The following ZMYM4 variants were observed in gnomAD, a reference collection of about 807,000 sequenced individuals.
ZMYM4 encodes the protein zinc finger MYM-type containing 4, also known as zinc finger MYM-type protein 4.
In ZMYM4, 31 loss-of-function variants were observed where a neutral mutation model predicts 183.2. The observed-to-expected ratio is 0.17, with a 90% CI of 0.13 to 0.23. The LOEUF (loss-of-function observed/expected upper bound fraction) is 0.23. Ranked by LOEUF, ZMYM4 falls within the 10% of genes least tolerant of loss-of-function variation. The probability of loss-of-function intolerance (pLI) is 1.00; values close to 1 mark genes in which losing one functional copy is unlikely to be tolerated. For missense variants in ZMYM4, 1,273 were observed against 1,840.3 expected, an observed-to-expected ratio of 0.69 and a Z score of 5.64; for synonymous variants, 592 against 631.2, an observed-to-expected ratio of 0.94 and a Z score of 0.93.
rs772931880 is a variant in ZMYM4 at position 35,386,145 on chromosome 1, A to C, written c.1792A>C (p.Ser598Arg). The change falls in exon 11 of 30, where the codon AGT becomes CGT. Residue 598 changes from serine (S) to arginine (R), a missense_variant. By Grantham distance (110) the Ser-to-Arg change is moderately radical (BLOSUM62 -1). Coordinates refer to ENST00000314607, the MANE Select transcript of ZMYM4 (RefSeq NM_005095.3). ...PQYHLAMSDG[S>R]IRNFCSYSCV... Reference sequence around the variant, plus strand: ...GTATCACCTAGCCATGTCAGATGGAAGTATACGCAACTTCTGCAGCTACAG... The same window carrying C: ...GTATCACCTAGCCATGTCAGATGGACGTATACGCAACTTCTGCAGCTACAG... 6.2e-7 allele frequency: 1 copy of C among 1,614,026 alleles called. No homozygotes were observed. Among genetic ancestry groups the C allele is most frequent in the Non-Finnish European group, 8.5e-7 (1 of 1,179,940 alleles).
chr1:35,350,951 A>AT (rs1643583482), intron 2 of ZMYM4: 1 of 680,976 alleles, frequency 1.5e-6, no homozygotes, highest in Non-Finnish European at 2.6e-6. Flanking sequence ...TCTGTGCGGC[A>AT]TATGCATATG....
rs530354157 is a variant in ZMYM4 at position 35,337,194 on chromosome 1, G to A, written c.85+11789G>A. 9.2e-5 allele frequency among the ~76,000 whole-genome samples: 14 copies of A among 151,648 alleles called. No homozygotes were observed. In the South Asian group the frequency reaches 1.0e-3, roughly 11 times the overall value. On this transcript the variant is annotated intron_variant, in intron 2 of 29. Transcript: ENST00000314607. ...GCCAACATGGTGAAACCCCATCTCC[G>A]CTAAAAAAAAATACGAAATTAGCTG...
Position 35,304,135 on chromosome 1 carries a change from C to T in ZMYM4, c.40-21225C>T, listed in dbSNP as rs1030563852. Among the ~76,000 whole-genome samples, 3 of 152,116 alleles carry T rather than the reference C, an allele frequency of 2.0e-5. No individual in the cohort carries two copies. The South Asian group carries it at 6.2e-4, about 32-fold the overall frequency. On this transcript the variant is annotated intron_variant, in intron 1 of 29. Coordinates refer to ENST00000314607, the MANE Select transcript of ZMYM4 (RefSeq NM_005095.3). ...CGCCTCCCACATTCATGCGATTCTC[C>T]TGCCTCAGCTTCCTGAGTAGCTGGG...
At chr1:35,366,553 T>G (rs2148924696) in intron 5 of ZMYM4, among the ~76,000 whole-genome samples, 1 of 152,280 alleles carries the variant, frequency 6.6e-6, no homozygotes, top group African/African-American at 2.4e-5. Context: ...CCTAGTTGAA[T>G]TATACCAATA....
Position 35,302,200 on chromosome 1 carries a change from C to CTTTTTTTTTTTTTTTTTTTTTTT in ZMYM4, c.40-23157_40-23135dup, listed in dbSNP as rs576277396. On this transcript the variant is annotated intron_variant, in intron 1 of 29. Transcript: ENST00000314607. ...ATCCACAAGCTAAAAACGGCTCTTG[C>CTTTTTTTTTTTTTTTTTTTTTTT]TTTTTTTTTTTTTTTTTTTTTTTTT... Among the ~76,000 whole-genome samples, 24 of 58,550 alleles carry CTTTTTTTTTTTTTTTTTTTTTTT rather than the reference C, an allele frequency of 4.1e-4. 1 individual carries two copies. The highest frequency in any genetic ancestry group is 1.5e-3 in the African/African-American group (23 of 15,524). 38.4% of individuals were successfully genotyped at this position (58,550 alleles called of 152,430 possible).
intron 2 of ZMYM4, among the ~76,000 whole-genome samples, chr1:35,333,412 C>T (rs1054755778): frequency 6.6e-6 from 1 of 152,058 alleles, no homozygotes; most frequent in Non-Finnish European, 1.5e-5. Flanking sequence ...TGCGCCACCA[C>T]ACCCGGCTAA....
At chr1:35,313,390 C>CTTTTTTTTTTTTTT (rs36112055) in intron 1 of ZMYM4, among the ~76,000 whole-genome samples, 1 of 131,576 alleles carries the variant, frequency 7.6e-6, no homozygotes, top group Non-Finnish European at 1.6e-5. Flanking sequence ...TTTTCTTTTT[C>CTTTTTTTTTTTTTT]TTTTTTTTTT....
At chr1:35,272,476 T>G (rs1442319683) in intron 1 of ZMYM4, among the ~76,000 whole-genome samples, 1 of 152,182 alleles carries the variant, frequency 6.6e-6, no homozygotes, top group Non-Finnish European at 1.5e-5. Context: ...GGACATCTTG[T>G]GACCTCTACA....
At chr1:35,408,298 G>A in intron 26 of ZMYM4, 139 bp downstream of exon 26, 1 of 1,046,838 alleles carries the variant, frequency 9.6e-7, no homozygotes, top group Admixed American at 2.7e-5. Context: ...ACAACAAATT[G>A]GAAACCGCTC....
At chr1:35,348,934 C>G (rs1055346285) in intron 2 of ZMYM4, among the ~76,000 whole-genome samples, 1 of 152,292 alleles carries the variant, frequency 6.6e-6, no homozygotes, top group South Asian at 2.1e-4. Flanking sequence ...CTTTCTCCCT[C>G]CATTTTAAAG....
At position 35,403,773 on chromosome 1, in the gene ZMYM4, TTAAC is replaced by T. The variant is rs1358370506; in HGVS notation, c.3529-1247_3529-1244del. 2.0e-5 allele frequency among the ~76,000 whole-genome samples: 3 copies of T among 146,508 alleles called. No homozygotes were observed. In the East Asian group the frequency reaches 6.9e-4, roughly 34 times the overall value. On this transcript the variant is annotated intron_variant, in intron 23 of 29. Transcript: ENST00000314607. Reference sequence around the variant, plus strand: ...CTATGATAGAATTTGTATAATTTCTTTAACTATGATAGAATTTAACTATGATGGA... The same window carrying T: ...CTATGATAGAATTTGTATAATTTCTTTATGATAGAATTTAACTATGATGGA...
chr1:35,404,035 G>A (rs1644959644), intron 23 of ZMYM4, among the ~76,000 whole-genome samples: 4 of 152,120 alleles, frequency 2.6e-5, no homozygotes, highest in Admixed American at 2.6e-4. Flanking sequence ...CACCCAGCCT[G>A]GGTTTTAATT....
chr1:35,329,375 C>T (rs1642638584), intron 2 of ZMYM4, among the ~76,000 whole-genome samples: 1 of 152,134 alleles, frequency 6.6e-6, no homozygotes, highest in South Asian at 2.1e-4. Context: ...TTCCCTCAAC[C>T]ATTACTAGTT....
chr1:35,388,798 A>G (rs112189592), intron 13 of ZMYM4, 112 bp from the exon 14 acceptor site: 7 of 949,516 alleles, frequency 7.4e-6, no homozygotes, highest in African/African-American at 1.7e-5. Context: ...AGCCTCCCAA[A>G]GTGTTGGGAT....
intron 1 of ZMYM4, among the ~76,000 whole-genome samples, chr1:35,317,504 TGTA>T (rs984244995): frequency 1.3e-4 from 20 of 152,308 alleles, no homozygotes; most frequent in Admixed American, 7.8e-4. Context: ...TTGTATAAAA[TGTA>T]GTCAATTTGG....
chr1:35,320,490 C>T (rs745766716), intron 1 of ZMYM4, among the ~76,000 whole-genome samples: 66 of 152,168 alleles, frequency 4.3e-4, no homozygotes, highest in Admixed American at 8.5e-4. Context: ...TTATAATAAA[C>T]CAGTAAATGT....
At chr1:35,356,089 TATCTC>T (rs1370455630) in intron 2 of ZMYM4, among the ~76,000 whole-genome samples, 1 of 152,120 alleles carries the variant, frequency 6.6e-6, no homozygotes, top group Non-Finnish European at 1.5e-5. Flanking sequence ...ATGCGCCTGT[TATCTC>T]AGCCACTTGA....
intron 7 of ZMYM4, among the ~76,000 whole-genome samples, chr1:35,378,932 T>C (rs193066617): frequency 8.2e-4 from 125 of 152,338 alleles, no homozygotes; most frequent in African/African-American, 2.5e-3. Context: ...TAACCTCTGC[T>C]AGCTCTAAAC....
At chr1:35,269,483 G>T (rs1006271865) in intron 1 of ZMYM4, among the ~76,000 whole-genome samples, 3 of 152,004 alleles carry the variant, frequency 2.0e-5, no homozygotes, top group Admixed American at 6.6e-5. Context: ...TCGTGGAGGG[G>T]TCTCAGGAGA....
Sources: gnomAD v4.1 joint callset for allele counts (sites outside exome capture counted in the v4.1 genomes callset) on GRCh38, gnomAD v4.1.1 for gene constraint, MANE v1.5 for transcripts, NCBI Gene and HGNC (gene_info 2026-07-23, HGNC 2026-07-21) for gene names.